Variants in RTEL1 observed in about 807,000 individuals in gnomAD.
RTEL1 encodes regulator of telomere elongation helicase 1, also known as regulator of telomere length.
A neutral mutation model predicts 162.2 loss-of-function variants in RTEL1; 86 were observed. That is an observed-to-expected ratio of 0.53 (90% CI 0.45 to 0.63). The LOEUF (loss-of-function observed/expected upper bound fraction) is 0.63. Among genes scored for constraint, RTEL1 ranks in the 30% least tolerant of loss-of-function variants. RTEL1 has a pLI of 0.00. For missense variants in RTEL1, 1,941 were observed against 1,750.2 expected, an observed-to-expected ratio of 1.11 and a Z score of -1.95; for synonymous variants, 958 against 717.9, an observed-to-expected ratio of 1.33 and a Z score of -5.35.
Position 63,695,589 on chromosome 20 carries a change from CCT to C in RTEL1, c.3762_3763del (p.Phe1255ProfsTer6), listed in dbSNP as rs1162803306. On this transcript the variant is annotated frameshift_variant, in exon 34 of 35. Transcript: ENST00000360203. LOFTEE classifies it high-confidence loss of function. ...GGCTGTGGGGCAGAGGACGTGGTGCCCTTCCAGTGCCCTGCCTGTGACTTCCA... is the reference window on the plus strand; with the variant it reads ...GGCTGTGGGGCAGAGGACGTGGTGCCTCCAGTGCCCTGCCTGTGACTTCCA... 6.2e-7 allele frequency: 1 copy of C among 1,612,090 alleles called. No homozygotes were observed. Among genetic ancestry groups the C allele is most frequent in the Non-Finnish European group, 8.5e-7 (1 of 1,179,900 alleles).
Position 63,695,405 on chromosome 20 carries a change from G to C in RTEL1, c.3577G>C (p.Val1193Leu). ...CCTTAGACAGAGGCCAGCAGGGACT[G>C]TGGGGGCGGGCGGTGAGGATGCAGG... ...SFLRQRPAGT[V>L]GAGGEDAGPS... The change falls in exon 34 of 35, where the codon GTG becomes CTG. Residue 1193 changes from valine (V) to leucine (L), a missense_variant. By Grantham distance (32) the Val-to-Leu change is conservative. Coordinates refer to ENST00000360203, the MANE Select transcript of RTEL1 (RefSeq NM_001283009.2). The C allele has an allele frequency of 6.4e-7, 1 of 1,559,698 alleles. No individual in the cohort carries two copies. Among genetic ancestry groups the C allele is most frequent in the African/African-American group, 1.4e-5 (1 of 73,868 alleles).
chr20:63,695,329 C>G lies in RTEL1; in HGVS notation c.3501C>G (p.Gly1167=). The part of the protein sequence containing the change: ...PVLTHRAPQP[G]PSRSEKTGKT... The stretch of plus-strand genomic sequence containing the variant: ...TCAGACTCAAGTCTCTGTCTCCAGG[C>G]CCCTCACGGTCCGAGAAGACCGGGA... The change falls in exon 34 of 35, where the codon GGC becomes GGG. Residue 1167 remains glycine, a splice_region_variant and synonymous_variant. Coordinates refer to ENST00000360203, the MANE Select transcript of RTEL1 (RefSeq NM_001283009.2). 6.4e-7 allele frequency: 1 copy of G among 1,563,002 alleles called. No individual in the cohort carries two copies. Among genetic ancestry groups the G allele is most frequent in the Non-Finnish European group, 8.7e-7 (1 of 1,154,136 alleles).
chr20:63,690,310 C>T lies in RTEL1; in HGVS notation c.2282C>T (p.Pro761Leu). The change falls in exon 26 of 35, where the codon CCC becomes CTC. Residue 761 changes from proline to leucine, a missense_variant. Coordinates refer to ENST00000360203, the MANE Select transcript of RTEL1 (RefSeq NM_001283009.2). ...GTTCTGCAGATGCCAGCGCCGGCCC[C>T]CCGGGCTACAGCACCCAGTGTGCGT... ...VAERTMPAPAPRATAPSVRGE... is the reference protein window; with the variant it reads ...VAERTMPAPALRATAPSVRGE... 1.9e-6 allele frequency: 3 copies of T among 1,608,118 alleles called. No homozygotes were observed. Among genetic ancestry groups the T allele is most frequent in the Non-Finnish European group, 2.5e-6 (3 of 1,176,698 alleles).
At chr20:63,662,284 G>T in intron 4 of RTEL1, 1 of 675,296 alleles carries the variant, frequency 1.5e-6, no homozygotes. Context: ...GCTTGTCAGA[G>T]CCCAGCAGAG....
At chr20:63,674,697 CAAA>C (rs1182281905) in intron 10 of RTEL1, among the ~76,000 whole-genome samples, 2 of 117,404 alleles carry the variant, frequency 1.7e-5, no homozygotes, top group Non-Finnish European at 1.8e-5. Context: ...GAGGCCATCT[CAAA>C]AAAAAAAAAA....
rs947892184 is a variant in RTEL1 at position 63,680,647 on chromosome 20, G to A, written c.1136-17G>A. 22 of 1,612,566 alleles carry A rather than the reference G, an allele frequency of 1.4e-5. No homozygotes were observed. The highest frequency in any genetic ancestry group is 1.6e-5 in the Non-Finnish European group (19 of 1,179,830). Reference sequence around the variant, plus strand: ...CCCTGCCTGCAGTGTGGGTGTCAGCGCCCTGCTGCCCTCCAGGTGCTGGAG... The same window carrying A: ...CCCTGCCTGCAGTGTGGGTGTCAGCACCCTGCTGCCCTCCAGGTGCTGGAG... On this transcript the variant is annotated splice_polypyrimidine_tract_variant and intron_variant, in intron 13 of 34. Transcript: ENST00000360203.
chr20:63,694,363 C>G lies in RTEL1; in HGVS notation c.2993-9C>G, dbSNP rs1345171159. ...CGACCAGCTTTGTGGCTCTACATCT[C>G]TTCATCAGGAAGAACGGCGCCGGAT... On this transcript the variant is annotated splice_polypyrimidine_tract_variant and intron_variant, in intron 30 of 34. Transcript: ENST00000360203. The G allele has an allele frequency of 1.3e-6, 2 of 1,562,956 alleles. No individual in the cohort carries two copies. The highest frequency in any genetic ancestry group is 2.4e-5 in the East Asian group (1 of 41,484).
rs1232578563 is a variant in RTEL1 at position 63,696,041 on chromosome 20, T to G, written c.*183T>G. On this transcript the variant is annotated 3_prime_UTR_variant, in exon 35 of 35. Coordinates refer to ENST00000360203, the MANE Select transcript of RTEL1 (RefSeq NM_001283009.2). Reference sequence around the variant, plus strand: ...CGGTGGGACCGGATCTGGGCCTGCCTCTGAGAAGCCCTGAGCTACCTTGGG... The same window carrying G: ...CGGTGGGACCGGATCTGGGCCTGCCGCTGAGAAGCCCTGAGCTACCTTGGG... 3.2e-6 allele frequency: 2 copies of G among 618,242 alleles called. No individual in the cohort carries two copies. Among genetic ancestry groups the G allele is most frequent in the African/African-American group, 1.9e-5 (1 of 53,924 alleles). The allele number at this position is 618,242 out of a possible 1,614,324, so 38.3% of individuals were successfully genotyped here. A position where few individuals can be genotyped will look rare whatever the true frequency, so the allele number is the denominator to read the frequency against.
chr20:63,672,727 A>G (rs953907463), intron 9 of RTEL1, 106 bp downstream of exon 9: 2 of 925,922 alleles, frequency 2.2e-6, no homozygotes, highest in Non-Finnish European at 3.4e-6. Flanking sequence ...CTGAAGCCCT[A>G]GGTGCCCAGG....
rs1353059957 is a variant in RTEL1, at chr20:63,696,039, CCT to C, written c.*184_*185del. On this transcript the variant is annotated 3_prime_UTR_variant, in exon 35 of 35. Coordinates refer to ENST00000360203, the MANE Select transcript of RTEL1 (RefSeq NM_001283009.2). The stretch of plus-strand genomic sequence containing the variant: ...TGCGGTGGGACCGGATCTGGGCCTG[CCT>C]CTGAGAAGCCCTGAGCTACCTTGGG... The C allele has an allele frequency of 8.0e-5, 50 of 623,266 alleles. No homozygotes were observed. The highest frequency in any genetic ancestry group is 1.2e-4 in the Non-Finnish European group (43 of 362,450). 38.6% of individuals were successfully genotyped at this position (623,266 alleles called of 1,614,324 possible).
chr20:63,693,430 C>T (rs973249929), intron 30 of RTEL1, 147 bp downstream of exon 30: 12 of 894,604 alleles, frequency 1.3e-5, no homozygotes, highest in South Asian at 1.3e-4. Flanking sequence ...GCCTCCACCT[C>T]CACCACCAGC....
In RTEL1 at chr20:63,693,165, C is replaced by G. The variant is rs369953611; in HGVS notation, c.2874C>G (p.Pro958=). 1 of 1,612,196 alleles carries G rather than the reference C, an allele frequency of 6.2e-7. No individual in the cohort carries two copies. The highest frequency in any genetic ancestry group is 8.5e-7 in the Non-Finnish European group (1 of 1,179,578). Residue 958 remains proline (P), a synonymous_variant, in exon 30 of 35, where the codon CCC becomes CCG. Transcript: ENST00000360203. The stretch of plus-strand genomic sequence containing the variant: ...CAGGCTTCTACCAGTTTGTGCGGCC[C>G]CACCATAAGCAGCAGTTTGAGGAGG... ...LLQGFYQFVR[P]HHKQQFEEVC...
At chr20:63,695,000 G>C in intron 32 of RTEL1, 26 bp downstream of exon 32, 1 of 1,610,976 alleles carries the variant, frequency 6.2e-7, no homozygotes, top group South Asian at 1.1e-5. Flanking sequence ...GTGGGGAACA[G>C]CCGGTGGGGT....
Position 63,661,188 on chromosome 20 carries a change from C to G in RTEL1, c.103-110C>G. 2 of 977,066 alleles carry G rather than the reference C, an allele frequency of 2.0e-6. No homozygotes were observed. Among genetic ancestry groups the G allele is most frequent in the Non-Finnish European group, 1.5e-6 (1 of 653,396 alleles). The allele number at this position is 977,066 out of a possible 1,614,324, so 60.5% of individuals were successfully genotyped here. On this transcript the variant is annotated intron_variant, in intron 2 of 34. Coordinates refer to ENST00000360203, the MANE Select transcript of RTEL1 (RefSeq NM_001283009.2). This position sits in a 1 kb window ranked among gnomAD's most constrained non-coding sequence, Gnocchi z 5.1. ...GGCTCTCGCCACCTGGCAGTGGCCT[C>G]TGCATCTGCAAAGAGCTGCCCGCTG...
At chr20:63,694,311 C>CCCCCCCCGGG in intron 30 of RTEL1, 61 bp from the exon 31 acceptor site, 4 of 1,054,848 alleles carry the variant, frequency 3.8e-6, no homozygotes, top group African/African-American at 1.6e-5. Flanking sequence ...CCTGCCCCCC[C>CCCCCCCCGGG]ACCCCAGGGA....
rs111622789 is a variant in RTEL1, at chr20:63,687,813, C to CTT, written c.1481+44_1481+45insTT. 0.079 allele frequency: 122,932 copies of CTT among 1,554,736 alleles called. 5,141 individuals carry two copies. The highest frequency in any genetic ancestry group is 0.096 in the African/African-American group (7,100 of 73,650). On this transcript the variant is annotated intron_variant, in intron 17 of 34. Coordinates refer to ENST00000360203, the MANE Select transcript of RTEL1 (RefSeq NM_001283009.2). ...CAGGGCCTGAGCACCGGTGACACCT[C>CTT]TGACATCAGCGGGGTGGAAGTGGTG...
intron 10 of RTEL1, 129 bp from the exon 11 acceptor site, chr20:63,678,016 G>A (rs967367838): frequency 3.8e-6 from 4 of 1,061,226 alleles, no homozygotes; most frequent in Non-Finnish European, 5.6e-6. Flanking sequence ...TGGCCTGCAT[G>A]GATTCTGTGT....
chr20:63,694,258 C>T (rs1052911664), intron 30 of RTEL1, 114 bp from the exon 31 acceptor site: 54 of 905,430 alleles, frequency 6.0e-5, no homozygotes, highest in East Asian at 3.2e-4. Flanking sequence ...TGGGTTTTCC[C>T]GCCCTGGTCT....
chr20:63,689,546 G>C lies in RTEL1; in HGVS notation c.1923G>C (p.Val641=). 6.2e-7 allele frequency: 1 copy of C among 1,611,172 alleles called. No individual in the cohort carries two copies. The highest frequency in any genetic ancestry group is 8.5e-7 in the Non-Finnish European group (1 of 1,179,424). ...TCTCAGACACGAATGGCCGTGGTGT[G>C]ATTGTCACGGGCCTCCCGTACCCCC... is the stretch of plus-strand genomic sequence containing the variant. ...LDFSDTNGRG[V]IVTGLPYPPR... Residue 641 remains valine, a synonymous_variant, in exon 23 of 35, where the codon GTG becomes GTC. Coordinates refer to ENST00000360203, the MANE Select transcript of RTEL1 (RefSeq NM_001283009.2).
Sources: gnomAD v4.1 joint callset for allele counts (sites outside exome capture counted in the v4.1 genomes callset) on GRCh38, gnomAD v4.1.1 for gene constraint, Gnocchi (gnomAD v3.1) non-coding constraint, MANE v1.5 for transcripts, NCBI Gene and HGNC (gene_info 2026-07-23, HGNC 2026-07-21) for gene names.